ABCA13: variants seen among roughly 807,000 people sequenced by gnomAD.
The protein encoded by ABCA13 is ATP-binding cassette sub-family A member 13.
A neutral mutation model predicts 478.7 loss-of-function variants in ABCA13; 476 were observed. That is an observed-to-expected ratio of 0.99 (90% CI 0.92 to 1.07). The LOEUF is 1.07. Among genes scored for constraint, ABCA13 ranks in the 50% least tolerant of loss-of-function variants. The probability of loss-of-function intolerance (pLI) is 0.00; values close to 1 mark genes in which losing one functional copy is unlikely to be tolerated. For synonymous variants in ABCA13, 2,252 were observed against 2,158.9 expected (o/e 1.04, Z -1.20); for missense variants, 6,060 against 5,910.6 (o/e 1.03, Z -0.83).
At chr7:48,410,917 G>T (rs1213295713) in intron 40 of ABCA13, among the ~76,000 whole-genome samples, 1 of 152,178 alleles carries the variant, frequency 6.6e-6, no homozygotes, top group African/African-American at 2.4e-5. Context: ...TAGATAACAG[G>T]AGCTGCTGTG....
intron 26 of ABCA13, among the ~76,000 whole-genome samples, chr7:48,316,018 G>T (rs1182690772): frequency 1.3e-5 from 2 of 152,016 alleles, no homozygotes; most frequent in African/African-American, 4.8e-5. Flanking sequence ...GATGAGTAAA[G>T]AAATAGTTAT....
intron 58 of ABCA13, among the ~76,000 whole-genome samples, chr7:48,600,313 G>A (rs970598873): frequency 2.0e-5 from 3 of 150,728 alleles, no homozygotes; most frequent in Non-Finnish European, 4.4e-5. Flanking sequence ...TCTTTGAATA[G>A]GAGTGTTTCC....
At chr7:48,202,907 C>T (rs1263422521) in intron 3 of ABCA13, among the ~76,000 whole-genome samples, 5 of 151,770 alleles carry the variant, frequency 3.3e-5, no homozygotes, top group East Asian at 1.9e-4. Flanking sequence ...CGGTGCCGTG[C>T]GCCCGCGCTC....
chr7:48,458,965 G>C (rs1420046353), intron 43 of ABCA13, among the ~76,000 whole-genome samples: 1 of 152,208 alleles, frequency 6.6e-6, no homozygotes, highest in Non-Finnish European at 1.5e-5. Flanking sequence ...GAGCATGTCT[G>C]TGTTGGTTTG....
chr7:48,220,345 T>TA (rs1051938934), intron 4 of ABCA13, among the ~76,000 whole-genome samples: 3 of 152,238 alleles, frequency 2.0e-5, no homozygotes. Flanking sequence ...TCCCAAGTGT[T>TA]ACATACTTGG....
chr7:48,617,400 C>A (rs538654647), intron 59 of ABCA13, among the ~76,000 whole-genome samples: 16 of 152,116 alleles, frequency 1.1e-4, no homozygotes, highest in Non-Finnish European at 2.4e-4. Context: ...CAGGAGAAGG[C>A]GAGGGTTTTG....
chr7:48,202,254 G>A (rs748054901), intron 3 of ABCA13, among the ~76,000 whole-genome samples: 2 of 152,174 alleles, frequency 1.3e-5, no homozygotes, highest in Non-Finnish European at 1.5e-5. Flanking sequence ...TGGTAGAGCC[G>A]AATGGTCTGT....
Position 48,644,691 on chromosome 7 carries a change from A to G in ABCA13, c.15018A>G (p.Ile5006Met), listed in dbSNP as rs760224384. Residue 5006 changes from isoleucine (I) to methionine (M), a missense_variant, in exon 61 of 62, where the codon ATA (isoleucine) becomes ATG (methionine). Transcript: ENST00000435803. ...GCCTAGCTGACTTGTTCAAAGTTAT[A>G]GAGAACAATAAAACCTTCTTGAATA... ...WGCLADLFKV[I>M]ENNKTFLNIK... 6 of 1,611,486 alleles carry G rather than the reference A, an allele frequency of 3.7e-6. No homozygotes were observed. Among genetic ancestry groups the G allele is most frequent in the Non-Finnish European group, 5.1e-6 (6 of 1,179,324 alleles).
Position 48,529,773 on chromosome 7 carries a change from TAC to T in ABCA13, c.14354+1430_14354+1431del, listed in dbSNP as rs1053322864. On this transcript the variant is annotated intron_variant, in intron 55 of 61. Transcript: ENST00000435803. ...TAACATTTGACAATCTCTTTTTTTT[TAC>T]AATCACTTGCTAAAATAAATATAAT... Among the ~76,000 whole-genome samples the T allele has an allele frequency of 5.9e-5, 9 of 152,168 alleles. No individual in the cohort carries two copies. In the East Asian group the frequency reaches 1.7e-3, roughly 29 times the overall value.
intron 45 of ABCA13, among the ~76,000 whole-genome samples, chr7:48,480,717 G>T (rs1828666379): frequency 1.3e-5 from 2 of 152,168 alleles, no homozygotes; most frequent in South Asian, 4.1e-4. Context: ...TCTCTTTCAG[G>T]TTCGTCAAAT....
chr7:48,202,962 G>T (rs1799015321), intron 3 of ABCA13, among the ~76,000 whole-genome samples: 1 of 152,346 alleles, frequency 6.6e-6, no homozygotes. Flanking sequence ...GTGGAGCAGG[G>T]GGCGGCGCTC....
rs115298907 is a variant in ABCA13 at position 48,455,369 on chromosome 7, C to G, written c.12815+83C>G. ...AATAGCTTCGATACTTTTGAGAATT[C>G]TAGATAAAAACTGGAAATATAAATG... On this transcript the variant is annotated intron_variant, in intron 43 of 61. Coordinates refer to ENST00000435803, the MANE Select transcript of ABCA13 (RefSeq NM_152701.5). The G allele has an allele frequency of 1.2e-5, 17 of 1,451,556 alleles. No individual in the cohort carries two copies. In the African/African-American group the frequency reaches 2.1e-4, roughly 18 times the overall value. 89.9% of individuals were successfully genotyped at this position (1,451,556 alleles called of 1,614,324 possible).
chr7:48,364,316 T>G (rs1811344831), intron 31 of ABCA13, among the ~76,000 whole-genome samples: 1 of 152,176 alleles, frequency 6.6e-6, no homozygotes. Flanking sequence ...TTGTTCATAT[T>G]CATGAGTTAC....
At chr7:48,564,235 A>C (rs1259067418) in intron 55 of ABCA13, among the ~76,000 whole-genome samples, 2 of 151,554 alleles carry the variant, frequency 1.3e-5, no homozygotes, top group African/African-American at 4.8e-5. Flanking sequence ...TCCCCTTTAA[A>C]TCTGTAAAAT....
intron 55 of ABCA13, among the ~76,000 whole-genome samples, chr7:48,561,733 A>G (rs1428449514): frequency 1.3e-5 from 2 of 151,816 alleles, no homozygotes; most frequent in Non-Finnish European, 2.9e-5. Flanking sequence ...TTTTATTTTG[A>G]TATAATCCCG....
At chr7:48,549,356 C>T (rs940912647) in intron 55 of ABCA13, among the ~76,000 whole-genome samples, 2 of 151,902 alleles carry the variant, frequency 1.3e-5, no homozygotes, top group Non-Finnish European at 2.9e-5. Flanking sequence ...AGGATGATGG[C>T]TTCCAGCTTC....
chr7:48,485,042 G>A (rs1829151765), intron 47 of ABCA13, among the ~76,000 whole-genome samples: 1 of 152,196 alleles, frequency 6.6e-6, no homozygotes, highest in African/African-American at 2.4e-5. Context: ...TCAATATCTT[G>A]TAGAATGTCT....
intron 3 of ABCA13, among the ~76,000 whole-genome samples, chr7:48,217,238 T>G (rs559680838): frequency 2.1e-4 from 32 of 152,342 alleles, no homozygotes; most frequent in African/African-American, 7.2e-4. Context: ...ATGGGAGCAG[T>G]AATGTGAGTC....
chr7:48,264,040 A>G (rs79475641), intron 15 of ABCA13, among the ~76,000 whole-genome samples: 2,181 of 152,044 alleles, frequency 0.014, 21 homozygotes, highest in Middle Eastern at 0.054. Context: ...ATAAATGGAC[A>G]TATGCAGTAT....
Sources: gnomAD v4.1 joint callset for allele counts (sites outside exome capture counted in the v4.1 genomes callset) on GRCh38, gnomAD v4.1.1 for gene constraint, MANE v1.5 for transcripts, NCBI Gene and HGNC (gene_info 2026-07-23, HGNC 2026-07-21) for gene names.